KCNK2: variants seen among roughly 807,000 people sequenced by gnomAD.
KCNK2 encodes potassium channel subfamily K member 2.
A neutral mutation model predicts 40.5 loss-of-function variants in KCNK2; 21 were observed. That is an observed-to-expected ratio of 0.52 (90% CI 0.37 to 0.75). The LOEUF is 0.75. Among genes scored for constraint, KCNK2 ranks in the 30% least tolerant of loss-of-function variants. The probability of loss-of-function intolerance (pLI) is 0.00; values close to 1 mark genes in which losing one functional copy is unlikely to be tolerated. For synonymous variants in KCNK2, 191 were observed against 202.2 expected (o/e 0.94, Z 0.47); for missense variants, 399 against 531.6 (o/e 0.75, Z 2.45).
Position 215,056,645 on chromosome 1 carries a change from G to A in KCNK2, c.35-29723G>A, listed in dbSNP as rs1482180024. On this transcript the variant is annotated intron_variant, in intron 1 of 6. Transcript: ENST00000391895. The stretch of plus-strand genomic sequence containing the variant: ...TTTTTTTTTTTTTTTTGGTAGTGAT[G>A]GGGTCTCCTTATGTTGCCCAGACTG... Among the ~76,000 whole-genome samples, 9 of 98,970 alleles carry A rather than the reference G, an allele frequency of 9.1e-5. No homozygotes were observed. In the East Asian group the frequency reaches 3.1e-3, roughly 34 times the overall value. The allele number at this position is 98,970 out of a possible 152,430, so 64.9% of individuals were successfully genotyped here.
In KCNK2 at chr1:215,116,351, C is replaced by A. The variant is rs368118237; in HGVS notation, c.358-8282C>A. Among the ~76,000 whole-genome samples the A allele has an allele frequency of 2.4e-4, 37 of 151,674 alleles. No homozygotes were observed. In the East Asian group the frequency reaches 5.6e-3, roughly 23 times the overall value. On this transcript the variant is annotated intron_variant, in intron 2 of 6. Transcript: ENST00000444842. ...ATTTTTTTTCTTTAGTATTATTTTT[C>A]CAAATGTCCAATAATATGTATATTA...
At chr1:215,015,917 C>T (rs1010335231) in intron 1 of KCNK2, among the ~76,000 whole-genome samples, 2 of 152,124 alleles carry the variant, frequency 1.3e-5, no homozygotes, top group African/African-American at 4.8e-5. Flanking sequence ...AATTGGAAAC[C>T]TCTCCATTAA....
intron 1 of KCNK2, among the ~76,000 whole-genome samples, chr1:215,059,564 G>T (rs1261781539): frequency 6.6e-6 from 1 of 152,094 alleles, no homozygotes; most frequent in East Asian, 1.9e-4. Context: ...TCAGCTCAAG[G>T]TATCCATCGC....
At chr1:215,069,330 G>A (rs1658668625) in intron 1 of KCNK2, among the ~76,000 whole-genome samples, 1 of 152,102 alleles carries the variant, frequency 6.6e-6, no homozygotes, top group Non-Finnish European at 1.5e-5. Flanking sequence ...TAAGTTGGAG[G>A]GTCCTCTCCT....
chr1:215,064,137 T>C (rs1046124751), intron 1 of KCNK2, among the ~76,000 whole-genome samples: 1 of 152,198 alleles, frequency 6.6e-6, no homozygotes, highest in Non-Finnish European at 1.5e-5. Flanking sequence ...AAGGAAGCTA[T>C]GTTGATTCAC....
chr1:215,205,214 G>T (rs986822077), intron 6 of KCNK2, among the ~76,000 whole-genome samples: 4 of 152,080 alleles, frequency 2.6e-5, no homozygotes, highest in Admixed American at 6.5e-5. Flanking sequence ...CCAAGGATTT[G>T]TGGGCAGAAT....
chr1:215,233,228 AT>A (rs1233659661), intron 6 of KCNK2, among the ~76,000 whole-genome samples: 1 of 151,728 alleles, frequency 6.6e-6, no homozygotes, highest in Non-Finnish European at 1.5e-5. Context: ...TAGAGTTCTC[AT>A]TTTTCCAGCT....
chr1:215,101,471 G>C (rs1660214977), intron 2 of KCNK2, among the ~76,000 whole-genome samples: 1 of 151,936 alleles, frequency 6.6e-6, no homozygotes, highest in African/African-American at 2.4e-5. Context: ...CATACTTGAT[G>C]TGTTCTAAGA....
chr1:215,227,753 G>T (rs908744960), intron 6 of KCNK2, among the ~76,000 whole-genome samples: 1 of 152,028 alleles, frequency 6.6e-6, no homozygotes, highest in Non-Finnish European at 1.5e-5. Context: ...ACTCTTCCAC[G>T]GTTTTGACAA....
At chr1:215,229,476 C>A (rs1448223607) in intron 6 of KCNK2, among the ~76,000 whole-genome samples, 3 of 151,892 alleles carry the variant, frequency 2.0e-5, no homozygotes, top group African/African-American at 7.3e-5. Context: ...CCAGCCTGGG[C>A]AACCTCAGGA....
At chr1:215,093,809 ATT>A (rs1659842227) in intron 2 of KCNK2, among the ~76,000 whole-genome samples, 1 of 28,030 alleles carries the variant, frequency 3.6e-5, no homozygotes, top group Admixed American at 6.8e-4. Context: ...TATAAAATAT[ATT>A]ATATATTATA....
chr1:215,178,334 T>C (rs7553910), intron 5 of KCNK2, among the ~76,000 whole-genome samples: 9,897 of 152,266 alleles, frequency 0.065, 393 homozygotes, highest in Middle Eastern at 0.14. Flanking sequence ...TCTTTTCCTA[T>C]TTGGATGCTT....
Position 215,029,965 on chromosome 1 carries a change from G to A in KCNK2, c.34+24010G>A, listed in dbSNP as rs575967716. ...TTACTGGATCATATGGTGGGAGTAT[G>A]TTTAGCTTTGTGAGAAATTGCCAAA... is the stretch of plus-strand genomic sequence containing the variant. On this transcript the variant is annotated intron_variant, in intron 1 of 6. Transcript: ENST00000391895. Among the ~76,000 whole-genome samples, 69 of 152,302 alleles carry A rather than the reference G, an allele frequency of 4.5e-4. 2 individuals carry two copies. The South Asian group carries it at 0.013, about 28-fold the overall frequency.
At chr1:215,193,928 C>G (rs183854223) in intron 5 of KCNK2, among the ~76,000 whole-genome samples, 1 of 152,200 alleles carries the variant, frequency 6.6e-6, no homozygotes, top group Non-Finnish European at 1.5e-5. Context: ...TCCTCATTAC[C>G]TAAGACTCAC....
chr1:215,078,616 C>G (rs777236039), upstream of KCNK2, among the ~76,000 whole-genome samples: 6 of 152,222 alleles, frequency 3.9e-5, no homozygotes, highest in Middle Eastern at 0.014. Flanking sequence ...TTTACCTCCA[C>G]CTGTTCCCAC....
intron 5 of KCNK2, among the ~76,000 whole-genome samples, chr1:215,183,773 T>A (rs1339405): frequency 0.55 from 83,788 of 152,072 alleles, 25,621 homozygotes; most frequent in Non-Finnish European, 0.68. Flanking sequence ...TGTAATTTAG[T>A]TTTAAGAGAG....
chr1:215,122,317 TA>T (rs1217314189), intron 2 of KCNK2, among the ~76,000 whole-genome samples: 1 of 152,090 alleles, frequency 6.6e-6, no homozygotes, highest in East Asian at 1.9e-4. Context: ...TCTATGAAAA[TA>T]AAAATTTTTG....
chr1:215,085,579 G>A (rs1267436573), intron 1 of KCNK2, among the ~76,000 whole-genome samples: 1 of 152,124 alleles, frequency 6.6e-6, no homozygotes, highest in Non-Finnish European at 1.5e-5. Flanking sequence ...TGTGAGCCAC[G>A]GTTTTCATTT....
At chr1:215,099,946 G>C (rs931493554) in intron 2 of KCNK2, among the ~76,000 whole-genome samples, 6 of 151,964 alleles carry the variant, frequency 3.9e-5, no homozygotes, top group Admixed American at 3.9e-4. Flanking sequence ...GCAATAAAGG[G>C]TGATTTGAAA....
Sources: gnomAD v4.1 joint callset for allele counts (sites outside exome capture counted in the v4.1 genomes callset) on GRCh38, gnomAD v4.1.1 for gene constraint, MANE v1.5 for transcripts, NCBI Gene and HGNC (gene_info 2026-07-23, HGNC 2026-07-21) for gene names.